Variants in ANKIB1 observed in about 807,000 individuals in gnomAD.
ANKIB1 encodes ankyrin repeat and IBR domain-containing protein 1.
In ANKIB1, 43 loss-of-function variants were observed where a neutral mutation model predicts 122.1. That is an observed-to-expected ratio of 0.35 (90% CI 0.28 to 0.45). The LOEUF (loss-of-function observed/expected upper bound fraction) is 0.45. Among genes scored for constraint, ANKIB1 ranks in the 20% least tolerant of loss-of-function variants. ANKIB1 has a pLI of 1.00. For missense variants in ANKIB1, 992 were observed against 1,329.5 expected (o/e 0.75, Z 3.95); for synonymous variants, 390 against 442.0 (o/e 0.88, Z 1.48).
intron 10 of ANKIB1, among the ~76,000 whole-genome samples, chr7:92,364,878 A>G (rs746635405): frequency 6.6e-6 from 1 of 152,212 alleles, no homozygotes; most frequent in Non-Finnish European, 1.5e-5. Flanking sequence ...AGGGTAAATT[A>G]TGCCATTAGT....
At position 92,398,502 on chromosome 7, in the gene ANKIB1, T is replaced by C; in HGVS notation, c.2823T>C (p.Pro941=). ...PFSTDTLSSH[P]LSEARSDFCP... is the part of the protein sequence containing the mutation. ...CAACTGACACCCTGAGCTCACACCC[T>C]CTCAGTGAGGCAAGAAGTGATTTCT... Residue 941 remains proline (P), a synonymous_variant, in exon 20 of 20, where the codon CCT becomes CCC. Coordinates refer to ENST00000265742, the MANE Select transcript of ANKIB1 (RefSeq NM_019004.2). The C allele has an allele frequency of 6.2e-7, 1 of 1,613,944 alleles. No individual in the cohort carries two copies. The highest frequency in any genetic ancestry group is 8.5e-7 in the Non-Finnish European group (1 of 1,179,860).
chr7:92,343,205 A>G lies in ANKIB1; in HGVS notation c.969A>G (p.Leu323=), dbSNP rs1188190989. 2 of 1,613,810 alleles carry G rather than the reference A, an allele frequency of 1.2e-6. No individual in the cohort carries two copies. Among genetic ancestry groups the G allele is most frequent in the East Asian group, 2.2e-5 (1 of 44,864 alleles). Residue 323 remains leucine (L), a synonymous_variant, in exon 6 of 20, where the codon TTA becomes TTG. Coordinates refer to ENST00000265742, the MANE Select transcript of ANKIB1 (RefSeq NM_019004.2). Reference sequence around the variant, plus strand: ...TCACCTCCCCAGATGAAATCAGCTTATCTCCTGGGGATTTAGACACCAGTT... The same window carrying G: ...TCACCTCCCCAGATGAAATCAGCTTGTCTCCTGGGGATTTAGACACCAGTT... The part of the protein sequence containing the change: ...SSVTSPDEIS[L]SPGDLDTSLC...
intron 1 of ANKIB1, among the ~76,000 whole-genome samples, chr7:92,258,035 T>C (rs1801485218): frequency 6.6e-6 from 1 of 152,160 alleles, no homozygotes; most frequent in African/African-American, 2.4e-5. Context: ...TGACATGATA[T>C]CTACAGAATT....
intron 2 of ANKIB1, among the ~76,000 whole-genome samples, chr7:92,306,626 A>G (rs1193852441): frequency 2.0e-5 from 3 of 152,108 alleles, no homozygotes; most frequent in African/African-American, 7.2e-5. Flanking sequence ...GAAGGCCTCT[A>G]TGAGGAATGA....
chr7:92,246,203 GC>G lies in ANKIB1; in HGVS notation c.-402del, dbSNP rs1457416227. ...CCGCGAGGCGGAGGCAAGAGCCACC[GC>G]CCCCTCTTCCCCTCCCCCGAGTGAG... On this transcript the variant is annotated 5_prime_UTR_variant, in exon 1 of 20. Coordinates refer to ENST00000265742, the MANE Select transcript of ANKIB1 (RefSeq NM_019004.2). The G allele has an allele frequency of 5.5e-6, 2 of 364,622 alleles. No homozygotes were observed. The highest frequency in any genetic ancestry group is 1.9e-5 in the South Asian group (1 of 52,716). The allele number at this position is 364,622 out of a possible 1,614,324, so 22.6% of individuals were successfully genotyped here. A position where few individuals can be genotyped will look rare whatever the true frequency, so the allele number is the denominator to read the frequency against.
intron 12 of ANKIB1, 40 bp from the exon 13 acceptor site, chr7:92,387,758 T>C (rs1804691377): frequency 6.7e-7 from 1 of 1,502,330 alleles, no homozygotes. Flanking sequence ...TAGTAGCTAC[T>C]AGTTTTTATA....
chr7:92,278,832 T>G (rs1234664560), intron 1 of ANKIB1, among the ~76,000 whole-genome samples: 2 of 152,176 alleles, frequency 1.3e-5, no homozygotes, highest in Non-Finnish European at 2.9e-5. Context: ...AATCAAACTG[T>G]CCCACTAAGA....
intron 4 of ANKIB1, among the ~76,000 whole-genome samples, chr7:92,321,017 C>G (rs947862272): frequency 5.3e-5 from 8 of 152,140 alleles, no homozygotes; most frequent in African/African-American, 1.9e-4. Flanking sequence ...TTTCCTATGT[C>G]TGAAATCTCG....
At chr7:92,276,636 T>C (rs1801911221) in intron 1 of ANKIB1, among the ~76,000 whole-genome samples, 1 of 152,244 alleles carries the variant, frequency 6.6e-6, no homozygotes, top group South Asian at 2.1e-4. Context: ...ACAAATTTCA[T>C]TGATTATAAA....
At chr7:92,370,951 A>T (rs1804233932) in intron 10 of ANKIB1, among the ~76,000 whole-genome samples, 1 of 152,222 alleles carries the variant, frequency 6.6e-6, no homozygotes, top group African/African-American at 2.4e-5. Flanking sequence ...GGGTGTAATA[A>T]ATGAGATGCT....
In ANKIB1 at chr7:92,387,867, C is replaced by T; in HGVS notation, c.1822C>T (p.His608Tyr). Residue 608 changes from histidine to tyrosine, a missense_variant, in exon 13 of 20, where the codon CAT (histidine) becomes TAT (tyrosine). Coordinates refer to ENST00000265742, the MANE Select transcript of ANKIB1 (RefSeq NM_019004.2). ...FMHYYTRFKN[H>Y]EHSYQLEQRL... ...GCACTATTATACAAGATTTAAAAAC[C>T]ATGAGCATAGTTATCAGGTATGTCC... 6.2e-7 allele frequency: 1 copy of T among 1,612,402 alleles called. No homozygotes were observed. The highest frequency in any genetic ancestry group is 8.5e-7 in the Non-Finnish European group (1 of 1,179,252).
At chr7:92,257,192 GAA>G (rs1304526125) in intron 1 of ANKIB1, among the ~76,000 whole-genome samples, 2 of 99,120 alleles carry the variant, frequency 2.0e-5, no homozygotes, top group African/African-American at 3.7e-5. Flanking sequence ...GTCTCGAAAA[GAA>G]AAAAAAAAAG....
intron 4 of ANKIB1, among the ~76,000 whole-genome samples, chr7:92,323,007 T>C (rs535869380): frequency 2.0e-5 from 3 of 152,296 alleles, no homozygotes; most frequent in East Asian, 3.9e-4. Context: ...AGTTAATATA[T>C]GTATAAGCTT....
intron 10 of ANKIB1, among the ~76,000 whole-genome samples, chr7:92,363,595 G>T (rs1409939544): frequency 6.6e-6 from 1 of 152,226 alleles, no homozygotes; most frequent in East Asian, 1.9e-4. Flanking sequence ...GGAAGAAAGG[G>T]TGTCAAAGAA....
chr7:92,339,939 A>G (rs965370332), intron 5 of ANKIB1, among the ~76,000 whole-genome samples: 2 of 148,960 alleles, frequency 1.3e-5, no homozygotes, highest in Non-Finnish European at 3.0e-5. Flanking sequence ...TTTTTTTTTT[A>G]ATGATGGCTC....
At chr7:92,260,403 T>TGGCC (rs1485971356) in intron 1 of ANKIB1, among the ~76,000 whole-genome samples, 2 of 152,194 alleles carry the variant, frequency 1.3e-5, no homozygotes, top group Non-Finnish European at 2.9e-5. Context: ...ACTTTGGGCT[T>TGGCC]GGCCGGTGGC....
At chr7:92,250,790 A>ATATGATTCTGT (rs1357872861) in intron 1 of ANKIB1, among the ~76,000 whole-genome samples, 20 of 152,220 alleles carry the variant, frequency 1.3e-4, no homozygotes, top group Admixed American at 2.6e-4. Flanking sequence ...TCTGTCTAAT[A>ATATGATTCTGT]CTTTTTCAGA....
intron 3 of ANKIB1, among the ~76,000 whole-genome samples, chr7:92,318,435 G>A (rs1450665564): frequency 1.3e-5 from 2 of 152,096 alleles, no homozygotes; most frequent in African/African-American, 4.8e-5. Flanking sequence ...AGAATCACTT[G>A]AACCCAGGTT....
chr7:92,323,834 G>A (rs764114536), intron 4 of ANKIB1, among the ~76,000 whole-genome samples: 1 of 152,136 alleles, frequency 6.6e-6, no homozygotes, highest in African/African-American at 2.4e-5. Flanking sequence ...TGCTAAGTGC[G>A]AGAAGCCAGA....
Sources: gnomAD v4.1 joint callset for allele counts (sites outside exome capture counted in the v4.1 genomes callset) on GRCh38, gnomAD v4.1.1 for gene constraint, MANE v1.5 for transcripts, NCBI Gene and HGNC (gene_info 2026-07-23, HGNC 2026-07-21) for gene names.